NAA15: variants seen among roughly 807,000 people sequenced by gnomAD.
The protein encoded by NAA15 is N-terminal acetyltransferase.
Under a neutral mutation model 114.0 loss-of-function variants are expected in NAA15, and 34 were observed. The observed-to-expected ratio is 0.30, with a 90% CI of 0.23 to 0.40. The LOEUF (loss-of-function observed/expected upper bound fraction) is 0.40. Among genes scored for constraint, NAA15 ranks in the 10% least tolerant of loss-of-function variants. The pLI, the probability that NAA15 is intolerant of heterozygous loss-of-function variation, is 1.00. For missense variants in NAA15, 658 were observed against 1,004.5 expected (o/e 0.66, Z 4.66); for synonymous variants, 340 against 338.0 (o/e 1.01, Z -0.06).
At position 139,303,656 on chromosome 4, in the gene NAA15, G is replaced by A. The variant is rs138701489; in HGVS notation, c.54+1825G>A. Among the ~76,000 whole-genome samples, 613 of 152,240 alleles carry A rather than the reference G, an allele frequency of 4.0e-3. 8 individuals are homozygous for A. Among genetic ancestry groups the A allele is most frequent in the African/African-American group, 0.014 (592 of 41,542 alleles). ...TACTGAAAATACAAAAATTAGTCAGGCATGGTGGTGTTCGCCTGTAGTCCC... is the reference window on the plus strand; with the variant it reads ...TACTGAAAATACAAAAATTAGTCAGACATGGTGGTGTTCGCCTGTAGTCCC... On this transcript the variant is annotated intron_variant, in intron 1 of 19. Coordinates refer to ENST00000296543, the MANE Select transcript of NAA15 (RefSeq NM_057175.5).
At chr4:139,315,522 A>T (rs568936804) in intron 1 of NAA15, among the ~76,000 whole-genome samples, 2 of 151,956 alleles carry the variant, frequency 1.3e-5, no homozygotes, top group South Asian at 4.2e-4. Context: ...CGTCTCAAGA[A>T]CAACAATAAC....
At chr4:139,347,640 T>C (rs994324696) in intron 6 of NAA15, among the ~76,000 whole-genome samples, 6 of 152,128 alleles carry the variant, frequency 3.9e-5, no homozygotes, top group Admixed American at 2.6e-4. Flanking sequence ...AGATCCTGTC[T>C]TCAAAAAGAA....
Position 139,301,788 on chromosome 4 carries a change from T to C in NAA15, c.11T>C (p.Val4Ala). 6.3e-7 allele frequency: 1 copy of C among 1,582,058 alleles called. No homozygotes were observed. Among genetic ancestry groups the C allele is most frequent in the Non-Finnish European group, 8.6e-7 (1 of 1,163,676 alleles). MPAVSLPPKENALF... is the reference protein window; with the variant it reads MPAASLPPKENALF... Reference sequence around the variant, plus strand: ...GGAGCAGCCGGAACGATGCCGGCCGTGAGCCTCCCGCCCAAGGAGAATGCG... The same window carrying C: ...GGAGCAGCCGGAACGATGCCGGCCGCGAGCCTCCCGCCCAAGGAGAATGCG... Residue 4 changes from valine (V) to alanine (A), a missense_variant, in exon 1 of 20, where the codon GTG (valine) becomes GCG (alanine). Physicochemically the swap from Val to Ala is moderately conservative, Grantham distance 64. Transcript: ENST00000296543.
At chr4:139,322,168 G>T (rs947141074) in intron 1 of NAA15, among the ~76,000 whole-genome samples, 1 of 152,142 alleles carries the variant, frequency 6.6e-6, no homozygotes, top group African/African-American at 2.4e-5. Flanking sequence ...GAATTCCCAC[G>T]TGTTGTGGGA....
chr4:139,333,468 A>G (rs778635302), intron 1 of NAA15, among the ~76,000 whole-genome samples: 4 of 151,302 alleles, frequency 2.6e-5, no homozygotes, highest in Non-Finnish European at 5.9e-5. Context: ...AGATTTCACT[A>G]TGATATGTTA....
In NAA15 at chr4:139,311,035, C is replaced by G. The variant is rs112122062; in HGVS notation, c.54+9204C>G. Among the ~76,000 whole-genome samples the G allele has an allele frequency of 7.2e-3, 1,091 of 151,950 alleles. 16 individuals are homozygous for G. Among genetic ancestry groups the G allele is most frequent in the Non-Finnish European group, 0.011 (754 of 67,982 alleles). On this transcript the variant is annotated intron_variant, in intron 1 of 19. Transcript: ENST00000296543. ...TGTCTCCTGGGTTCAAGCGATTCTC[C>G]CACCTTAGTCTTCTGGGTAGCTGGG... is the stretch of plus-strand genomic sequence containing the variant.
At chr4:139,339,577 T>C (rs1747318334) in intron 3 of NAA15, among the ~76,000 whole-genome samples, 1 of 151,970 alleles carries the variant, frequency 6.6e-6, no homozygotes, top group Non-Finnish European at 1.5e-5. Context: ...GGTGAAACCC[T>C]GTCTCTACTA....
chr4:139,378,049 T>C (rs906302180), intron 16 of NAA15, among the ~76,000 whole-genome samples: 5 of 152,196 alleles, frequency 3.3e-5, no homozygotes, highest in Non-Finnish European at 5.9e-5. Flanking sequence ...TTTTTTAGTA[T>C]TGGGGACAAG....
chr4:139,359,693 C>G (rs775470007), intron 11 of NAA15, 50 bp from the exon 12 acceptor site: 48 of 1,537,536 alleles, frequency 3.1e-5, no homozygotes, highest in Non-Finnish European at 4.2e-5. Context: ...ATTACCTGCA[C>G]AGTAAACTTA....
intron 1 of NAA15, among the ~76,000 whole-genome samples, chr4:139,310,248 A>G (rs552673576): frequency 6.6e-6 from 1 of 151,166 alleles, no homozygotes; most frequent in Non-Finnish European, 1.5e-5. Context: ...AGGTCAGGAG[A>G]TCGAGACCAT....
chr4:139,370,830 C>T (rs1438526145), intron 15 of NAA15, among the ~76,000 whole-genome samples: 2 of 152,176 alleles, frequency 1.3e-5, no homozygotes, highest in African/African-American at 4.8e-5. Context: ...TGGTAACATG[C>T]AAGTTTTTAT....
rs1431053851 is a variant in NAA15, at chr4:139,390,190, CAG to C, written c.*2108_*2109del. ...CTTAGAATGAATATTCATAAGTACTCAGAACTCTTAAGATGCAGATGCCACCC... is the reference window on the plus strand; with the variant it reads ...CTTAGAATGAATATTCATAAGTACTCAACTCTTAAGATGCAGATGCCACCC... On this transcript the variant is annotated 3_prime_UTR_variant, in exon 20 of 20. Transcript: ENST00000296543. 2.0e-5 allele frequency: 3 copies of C among 152,642 alleles called. No individual in the cohort carries two copies. Among genetic ancestry groups the C allele is most frequent in the African/African-American group, 7.2e-5 (3 of 41,456 alleles). 9.5% of individuals were successfully genotyped at this position (152,642 alleles called of 1,614,324 possible). A position where few individuals can be genotyped will look rare whatever the true frequency, so the allele number is the denominator to read the frequency against.
intron 14 of NAA15, among the ~76,000 whole-genome samples, chr4:139,369,737 CAA>C (rs1247894181): frequency 0.037 from 2,911 of 79,272 alleles, 22 homozygotes; most frequent in East Asian, 0.1. Context: ...GACTCCGTCT[CAA>C]AAAAAAAAAA....
Position 139,340,053 on chromosome 4 carries a change from A to G in NAA15, c.245-859A>G, listed in dbSNP as rs78122838. On this transcript the variant is annotated intron_variant, in intron 3 of 19. Transcript: ENST00000296543. ...TAAGAAGTTTTAGGCTGGGTTTGGG[A>G]GCTTATGCCTGTAATCCCCGCACTT... Among the ~76,000 whole-genome samples the G allele has an allele frequency of 6.3e-4, 96 of 152,024 alleles. 1 individual carries two copies. The East Asian group carries it at 0.016, about 25-fold the overall frequency.
intron 1 of NAA15, among the ~76,000 whole-genome samples, chr4:139,327,506 G>A (rs1579095672): frequency 6.6e-6 from 1 of 151,992 alleles, no homozygotes; most frequent in South Asian, 2.1e-4. Context: ...TGCCCACCTT[G>A]GCCTCCCAAA....
chr4:139,386,181 T>C lies in NAA15; in HGVS notation c.2351T>C (p.Ile784Thr), dbSNP rs764831321. 6.8e-6 allele frequency: 11 copies of C among 1,611,460 alleles called. No homozygotes were observed. In the Admixed American group the frequency reaches 1.5e-4, roughly 22 times the overall value. Residue 784 changes from isoleucine to threonine, a missense_variant, in exon 19 of 20, where the codon ATA becomes ACA. Coordinates refer to ENST00000296543, the MANE Select transcript of NAA15 (RefSeq NM_057175.5). ...GATCCTTCTAGTCAGAAGCGAGCTA[T>C]AGAGTTGGCAACAACACTTGATGAA... Reference protein sequence around the residue: ...YLDPSSQKRAIELATTLDESL... With the variant: ...YLDPSSQKRATELATTLDESL...
chr4:139,389,216 T>TTC lies in NAA15; in HGVS notation c.*1132_*1133insTC, dbSNP rs1553999533. ...AAGATTTTTTTTTTTTTTTTTTTTT[T>TTC]CAAATAACAGACCAGCTTCTTTTTC... On this transcript the variant is annotated 3_prime_UTR_variant, in exon 20 of 20. Transcript: ENST00000296543. 33 of 148,506 alleles carry TTC rather than the reference T, an allele frequency of 2.2e-4. No individual in the cohort carries two copies. The highest frequency in any genetic ancestry group is 2.1e-4 in the South Asian group (1 of 4,746). 9.2% of individuals were successfully genotyped at this position (148,506 alleles called of 1,614,324 possible). A position where few individuals can be genotyped will look rare whatever the true frequency, so the allele number is the denominator to read the frequency against.
At chr4:139,367,568 T>A (rs535590715) in intron 14 of NAA15, among the ~76,000 whole-genome samples, 6 of 152,300 alleles carry the variant, frequency 3.9e-5, no homozygotes, top group African/African-American at 1.4e-4. Context: ...ACCCTTAAGT[T>A]CTTAGAAGTT....
chr4:139,305,474 A>G (rs1745980622), intron 1 of NAA15, among the ~76,000 whole-genome samples: 1 of 151,940 alleles, frequency 6.6e-6, no homozygotes, highest in Admixed American at 6.6e-5. Context: ...TGATAAAGGA[A>G]ATGTTGGACA....
Sources: allele counts gnomAD v4.1 joint callset (sites outside exome capture counted in the v4.1 genomes callset), GRCh38; gene constraint gnomAD v4.1.1; transcripts MANE v1.5; gene names NCBI Gene and HGNC (gene_info 2026-07-23, HGNC 2026-07-21).